MORC1: variants seen among roughly 807,000 people sequenced by gnomAD.
MORC1 encodes the protein MORC family CW-type zinc finger protein 1.
MORC1 carries 59 observed loss-of-function variants against 134.9 expected under a neutral mutation model. That is an observed-to-expected ratio of 0.44 (90% CI 0.35 to 0.54). The LOEUF is 0.54. Among genes scored for constraint, MORC1 ranks in the 20% least tolerant of loss-of-function variants. The pLI is 0.00. For synonymous variants in MORC1, 395 were observed against 391.7 expected (o/e 1.01, Z -0.10); for missense variants, 947 against 1,134.5 (o/e 0.83, Z 2.37).
At position 109,103,951 on chromosome 3, in the gene MORC1, C is replaced by G. The variant is rs561049041; in HGVS notation, c.155-34G>C. On this transcript the variant is annotated intron_variant, in intron 3 of 27. Transcript: ENST00000232603. ...GAAAGCAGTTATTACTAATAAATAT[C>G]GGGCTTAATTTGTTAGTCAGAAAGT... 1.9e-6 allele frequency: 3 copies of G among 1,572,092 alleles called. No homozygotes were observed. In the African/African-American group the frequency reaches 4.1e-5, roughly 21 times the overall value.
At chr3:109,081,021 TAC>T (rs1385856320) in intron 8 of MORC1, among the ~76,000 whole-genome samples, 1 of 152,128 alleles carries the variant, frequency 6.6e-6, no homozygotes, top group Admixed American at 6.6e-5. Context: ...ACCCTCCATG[TAC>T]ACACACTTTG....
chr3:109,090,662 A>G (rs577960363), intron 8 of MORC1, among the ~76,000 whole-genome samples: 11 of 151,660 alleles, frequency 7.3e-5, no homozygotes, highest in Non-Finnish European at 1.3e-4. Context: ...AAATGTTCAC[A>G]AGGACTATGT....
At chr3:109,064,729 T>C (rs1950159327) in intron 9 of MORC1, among the ~76,000 whole-genome samples, 1 of 152,198 alleles carries the variant, frequency 6.6e-6, no homozygotes, top group Admixed American at 6.5e-5. Flanking sequence ...TTAGTTATAT[T>C]GTAAAAATAA....
At chr3:109,031,160 T>C (rs909318324) in intron 16 of MORC1, among the ~76,000 whole-genome samples, 1 of 152,140 alleles carries the variant, frequency 6.6e-6, no homozygotes, top group Non-Finnish European at 1.5e-5. Flanking sequence ...TCTGTAGGTC[T>C]GAGAGTGCCC....
chr3:109,074,563 T>A (rs532444464), intron 8 of MORC1, among the ~76,000 whole-genome samples: 1 of 152,284 alleles, frequency 6.6e-6, no homozygotes, highest in South Asian at 2.1e-4. Context: ...AAATTCCCTC[T>A]CTCACCCTAA....
At chr3:109,012,060 A>G (rs1164444594) in intron 17 of MORC1, among the ~76,000 whole-genome samples, 1 of 152,004 alleles carries the variant, frequency 6.6e-6, no homozygotes, top group African/African-American at 2.4e-5. Flanking sequence ...TTCTTCCTAT[A>G]TTTTCTTCTA....
chr3:109,109,289 TC>T (rs1951110361), intron 3 of MORC1, among the ~76,000 whole-genome samples: 1 of 152,166 alleles, frequency 6.6e-6, no homozygotes, highest in African/African-American at 2.4e-5. Flanking sequence ...TGTCTATCTC[TC>T]CCCATTAGGA....
At chr3:108,976,970 GA>G (rs1013511298) in intron 24 of MORC1, among the ~76,000 whole-genome samples, 2 of 151,646 alleles carry the variant, frequency 1.3e-5, no homozygotes, top group African/African-American at 2.4e-5. Context: ...AATTAGCCAA[GA>G]AAAAAAATCA....
intron 8 of MORC1, among the ~76,000 whole-genome samples, chr3:109,084,488 A>G (rs1462336480): frequency 6.6e-6 from 1 of 152,130 alleles, no homozygotes; most frequent in Non-Finnish European, 1.5e-5. Context: ...TAAAATACTT[A>G]TGAAAGAAAC....
intron 19 of MORC1, 32 bp from the exon 20 acceptor site, chr3:109,004,920 TA>T: frequency 6.3e-7 from 1 of 1,599,540 alleles, no homozygotes; most frequent in Non-Finnish European, 8.5e-7. Context: ...AAAAAAAAAT[TA>T]GAAATTGGGA....
chr3:109,111,306 T>C (rs1218398848), intron 2 of MORC1, among the ~76,000 whole-genome samples: 1 of 152,168 alleles, frequency 6.6e-6, no homozygotes, highest in Non-Finnish European at 1.5e-5. Context: ...TAAAGTGTTA[T>C]TGGAACACAA....
intron 14 of MORC1, among the ~76,000 whole-genome samples, chr3:109,041,383 G>C (rs1297543761): frequency 6.6e-6 from 1 of 151,782 alleles, no homozygotes; most frequent in Non-Finnish European, 1.5e-5. Flanking sequence ...ACAGAATAAT[G>C]AAAACTAAGT....
At chr3:108,969,244 C>G (rs1454435281) in intron 26 of MORC1, among the ~76,000 whole-genome samples, 2 of 152,090 alleles carry the variant, frequency 1.3e-5, no homozygotes, top group Non-Finnish European at 2.9e-5. Flanking sequence ...GCATTAATTA[C>G]TTTTATGTCT....
At chr3:109,067,097 A>G (rs541229178) in intron 9 of MORC1, among the ~76,000 whole-genome samples, 1 of 152,272 alleles carries the variant, frequency 6.6e-6, no homozygotes, top group South Asian at 2.1e-4. Flanking sequence ...AGTATTCAAC[A>G]AGAGAACATA....
rs1382754276 is a variant in MORC1 at position 109,005,124 on chromosome 3, C to T, written c.1959G>A (p.Gln653=). The change falls in exon 19 of 28, where the codon CAG becomes CAA. Residue 653 remains glutamine (Q), a synonymous_variant. Coordinates refer to ENST00000232603, the MANE Select transcript of MORC1 (RefSeq NM_014429.4). ...CTGGCAGAGCTACTGGAATTCTCTGCTGTTGAGAGTTCATTTTCTCCTCCA... is the reference window on the plus strand; with the variant it reads ...CTGGCAGAGCTACTGGAATTCTCTGTTGTTGAGAGTTCATTTTCTCCTCCA... The part of the protein sequence containing the change: ...KSMEEKMNSQ[Q]QRIPVALPEN... 1 of 1,613,624 alleles carries T rather than the reference C, an allele frequency of 6.2e-7. No homozygotes were observed. The highest frequency in any genetic ancestry group is 8.5e-7 in the Non-Finnish European group (1 of 1,179,862).
intron 14 of MORC1, among the ~76,000 whole-genome samples, chr3:109,045,002 C>G (rs1172631965): frequency 6.6e-6 from 1 of 151,006 alleles, no homozygotes; most frequent in Non-Finnish European, 1.5e-5. Flanking sequence ...AGTTTTGTAT[C>G]TGTTCATAGA....
intron 8 of MORC1, among the ~76,000 whole-genome samples, chr3:109,073,905 A>G (rs1248182656): frequency 6.6e-6 from 1 of 152,216 alleles, no homozygotes; most frequent in African/African-American, 2.4e-5. Context: ...CAACTCGAAG[A>G]GGTAATTTTT....
intron 2 of MORC1, among the ~76,000 whole-genome samples, chr3:109,113,450 T>C (rs920045518): frequency 6.6e-6 from 1 of 152,096 alleles, no homozygotes; most frequent in Non-Finnish European, 1.5e-5. Flanking sequence ...AGAAGGGTCA[T>C]CTCCCATCTA....
rs1159549551 is a variant in MORC1, at chr3:108,963,606, T to C, written c.2607A>G (p.Ile869Met). Residue 869 changes from isoleucine (I) to methionine (M), a missense_variant and splice_region_variant, in exon 27 of 28, where the codon ATA becomes ATG. This residue lies in a region of MORC1 where 722 missense variants were observed against 817.0 expected (regional missense o/e 0.88). Coordinates refer to ENST00000232603, the MANE Select transcript of MORC1 (RefSeq NM_014429.4). ...NKKLKMCFNQ[I>M]QNTYMVQYEK... Reference sequence around the variant, plus strand: ...CATATTGGACCATGTAAGTATTCTGTATCTGGGAATGTTTTAAAAACAGTT... The same window carrying C: ...CATATTGGACCATGTAAGTATTCTGCATCTGGGAATGTTTTAAAAACAGTT... 2.0e-6 allele frequency: 3 copies of C among 1,530,796 alleles called. No homozygotes were observed. Among genetic ancestry groups the C allele is most frequent in the Non-Finnish European group, 2.6e-6 (3 of 1,139,736 alleles). The allele number at this position is 1,530,796 out of a possible 1,614,324, so 94.8% of individuals were successfully genotyped here.
Sources: allele counts gnomAD v4.1 joint callset (sites outside exome capture counted in the v4.1 genomes callset), GRCh38; gene constraint gnomAD v4.1.1; regional missense constraint gnomAD v4.1.1; transcripts MANE v1.5; gene names NCBI Gene and HGNC (gene_info 2026-07-23, HGNC 2026-07-21).